The following SH3GL2 variants were observed in gnomAD, a reference collection of about 807,000 sequenced individuals.
SH3GL2 encodes SH3 domain containing GRB2 like 2, endophilin A1, also known as endophilin-A1.
In SH3GL2, 24 loss-of-function variants were observed where a neutral mutation model predicts 46.0. The ratio of observed to expected loss-of-function variants is 0.52; its 90% CI spans 0.38 to 0.73. The LOEUF is 0.73. Ranked by LOEUF, SH3GL2 falls within the 30% of genes least tolerant of loss-of-function variation. The pLI, the probability that SH3GL2 is intolerant of heterozygous loss-of-function variation, is 0.00. For missense variants in SH3GL2, 413 were observed against 424.2 expected, an observed-to-expected ratio of 0.97 and a Z score of 0.23; for synonymous variants, 196 against 147.1, an observed-to-expected ratio of 1.33 and a Z score of -2.40.
chr9:17,643,022 A>C (rs1327261581), intron 1 of SH3GL2, among the ~76,000 whole-genome samples: 1 of 152,200 alleles, frequency 6.6e-6, no homozygotes. Context: ...GTCCACGAGC[A>C]TGGAATGTTT....
chr9:17,579,117 G>C lies in SH3GL2; in HGVS notation c.-126G>C, dbSNP rs1484420327. On this transcript the variant is annotated 5_prime_UTR_variant, in exon 1 of 9. Transcript: ENST00000380607. ...GTGTCCCGCTAGGCTCCGCGCCCTC[G>C]CGCCCATAGCCCCGGCGGCGGCACG... 1.8e-6 allele frequency: 1 copy of C among 560,738 alleles called. No homozygotes were observed. The highest frequency in any genetic ancestry group is 3.7e-5 in the East Asian group (1 of 27,320). The allele number at this position is 560,738 out of a possible 1,614,324, so 34.7% of individuals were successfully genotyped here.
rs10623700 is a variant in SH3GL2, at chr9:17,638,156, CA to C, written c.45+58879del. Among the ~76,000 whole-genome samples the C allele has an allele frequency of 4.3e-3, 627 of 145,630 alleles. 7 individuals carry two copies. Among genetic ancestry groups the C allele is most frequent in the African/African-American group, 0.015 (591 of 39,686 alleles). Reference sequence around the variant, plus strand: ...TGGGCGACAGAGCGAGACTCCCTCTCAAAAAAAAAACAAAAAAACAAAAAAA... The same window carrying C: ...TGGGCGACAGAGCGAGACTCCCTCTCAAAAAAAAACAAAAAAACAAAAAAA... On this transcript the variant is annotated intron_variant, in intron 1 of 8. Coordinates refer to ENST00000380607, the MANE Select transcript of SH3GL2 (RefSeq NM_003026.5).
intron 1 of SH3GL2, 51 bp from the exon 2 acceptor site, chr9:17,747,015 T>A: frequency 7.9e-7 from 1 of 1,272,892 alleles, no homozygotes; most frequent in Non-Finnish European, 1.1e-6. Context: ...TCTAACACAT[T>A]TTTTAAAGAA....
At chr9:17,649,496 A>G (rs1429463995) in intron 1 of SH3GL2, among the ~76,000 whole-genome samples, 1 of 152,258 alleles carries the variant, frequency 6.6e-6, no homozygotes, top group Non-Finnish European at 1.5e-5. Flanking sequence ...GAAAAAAATC[A>G]TAATTGTATG....
At chr9:17,661,320 G>C (rs557886981) in intron 1 of SH3GL2, among the ~76,000 whole-genome samples, 1 of 152,146 alleles carries the variant, frequency 6.6e-6, no homozygotes, top group Admixed American at 6.5e-5. Context: ...TGTGAAGCTG[G>C]GTGTGACAGT....
At chr9:17,743,346 T>G (rs1822583346) in intron 1 of SH3GL2, among the ~76,000 whole-genome samples, 1 of 152,098 alleles carries the variant, frequency 6.6e-6, no homozygotes, top group African/African-American at 2.4e-5. Flanking sequence ...GGAATCTAAT[T>G]ACGTAAGAAA....
chr9:17,689,761 C>T (rs192246919), intron 1 of SH3GL2, among the ~76,000 whole-genome samples: 6 of 152,130 alleles, frequency 3.9e-5, no homozygotes, highest in Non-Finnish European at 8.8e-5. Flanking sequence ...AGAAAAGCCT[C>T]TTCTGACCTT....
chr9:17,644,290 C>G (rs566911017), intron 1 of SH3GL2, among the ~76,000 whole-genome samples: 120 of 152,146 alleles, frequency 7.9e-4, no homozygotes, highest in African/African-American at 2.6e-3. Flanking sequence ...AAAACAGCTC[C>G]TAGATTCATT....
chr9:17,589,320 A>G (rs1818435385), intron 1 of SH3GL2: 1 of 152,140 alleles, frequency 6.6e-6, no homozygotes. Context: ...GTGTGCCGCT[A>G]TGCCTGGCCC....
intron 1 of SH3GL2, among the ~76,000 whole-genome samples, chr9:17,667,799 C>T (rs1280498411): frequency 6.6e-6 from 1 of 152,194 alleles, no homozygotes; most frequent in African/African-American, 2.4e-5. Flanking sequence ...CATTTCTCCA[C>T]ATCTCTACCA....
intron 1 of SH3GL2, among the ~76,000 whole-genome samples, chr9:17,587,171 C>T (rs1249490131): frequency 6.6e-6 from 1 of 152,160 alleles, no homozygotes; most frequent in African/African-American, 2.4e-5. Context: ...CGTTGCACTC[C>T]AGCCTGGGCG....
intron 1 of SH3GL2, among the ~76,000 whole-genome samples, chr9:17,586,056 T>C (rs1818372374): frequency 6.6e-6 from 1 of 152,228 alleles, no homozygotes; most frequent in Non-Finnish European, 1.5e-5. Context: ...TGTGAGACCC[T>C]GCCAAGTCTT....
chr9:17,590,132 A>C (rs1818452694), intron 1 of SH3GL2: 2 of 152,238 alleles, frequency 1.3e-5, no homozygotes, highest in South Asian at 4.1e-4. Context: ...TATTTTCTGC[A>C]TATACTGGTT....
intron 1 of SH3GL2, among the ~76,000 whole-genome samples, chr9:17,616,883 T>A (rs1819015586): frequency 6.6e-6 from 1 of 152,208 alleles, no homozygotes; most frequent in Non-Finnish European, 1.5e-5. Flanking sequence ...CAGCGTAGTA[T>A]AAAAGGTTAG....
rs113055004 is a variant in SH3GL2, at chr9:17,677,039, T to A, written c.46-70027T>A. Among the ~76,000 whole-genome samples, 25 of 152,280 alleles carry A rather than the reference T, an allele frequency of 1.6e-4. 2 individuals carry two copies. The highest frequency in any genetic ancestry group is 3.4e-3 in the Middle Eastern group (1 of 294). On this transcript the variant is annotated intron_variant, in intron 1 of 8. Transcript: ENST00000380607. ...CAGAGGAGATCATGGCCTGCCCTCATGGGACCATTTGGCGATGTCTTCCTC... is the reference window on the plus strand; with the variant it reads ...CAGAGGAGATCATGGCCTGCCCTCAAGGGACCATTTGGCGATGTCTTCCTC...
intron 3 of SH3GL2, among the ~76,000 whole-genome samples, chr9:17,767,614 T>C (rs1016468803): frequency 6.6e-6 from 1 of 152,236 alleles, no homozygotes; most frequent in African/African-American, 2.4e-5. Flanking sequence ...TTATGCCTGG[T>C]ACATTGTTTG....
Position 17,623,861 on chromosome 9 carries a change from C to T in SH3GL2, c.45+44574C>T, listed in dbSNP as rs188134487. On this transcript the variant is annotated intron_variant, in intron 1 of 8. Transcript: ENST00000380607. Reference sequence around the variant, plus strand: ...ATATTCTCTTATACTATAACCGCAGCACTATTATCAACTTGAGTAAATTTA... The same window carrying T: ...ATATTCTCTTATACTATAACCGCAGTACTATTATCAACTTGAGTAAATTTA... Among the ~76,000 whole-genome samples, 39 of 152,158 alleles carry T rather than the reference C, an allele frequency of 2.6e-4. No homozygotes were observed. The East Asian group carries it at 7.2e-3, about 28-fold the overall frequency.
chr9:17,613,473 T>A (rs969281640), intron 1 of SH3GL2, among the ~76,000 whole-genome samples: 2 of 152,140 alleles, frequency 1.3e-5, no homozygotes, highest in Non-Finnish European at 2.9e-5. Flanking sequence ...ATATTGTCCC[T>A]CCCCCAAGCA....
At chr9:17,650,214 A>C (rs1819921483) in intron 1 of SH3GL2, among the ~76,000 whole-genome samples, 1 of 152,224 alleles carries the variant, frequency 6.6e-6, no homozygotes, top group Non-Finnish European at 1.5e-5. Flanking sequence ...GTGAAATGTG[A>C]GTATTGTCAG....
Sources: allele counts gnomAD v4.1 joint callset (sites outside exome capture counted in the v4.1 genomes callset), GRCh38; gene constraint gnomAD v4.1.1; transcripts MANE v1.5; gene names NCBI Gene and HGNC (gene_info 2026-07-23, HGNC 2026-07-21).